DYNC2H1: variants seen among roughly 807,000 people sequenced by gnomAD.
DYNC2H1 encodes cytoplasmic dynein 2 heavy chain 1.
A neutral mutation model predicts 570.0 loss-of-function variants in DYNC2H1; 410 were observed. The observed-to-expected ratio is 0.72, with a 90% CI of 0.66 to 0.78. The LOEUF (loss-of-function observed/expected upper bound fraction) is 0.78, where lower values mean the gene tolerates loss of function less well. Among genes scored for constraint, DYNC2H1 ranks in the 30% least tolerant of loss-of-function variants. The pLI is 0.00. For synonymous variants in DYNC2H1, 1,688 were observed against 1,677.6 expected (o/e 1.01, Z -0.15); for missense variants, 4,865 against 5,046.4 (o/e 0.96, Z 1.09).
intron 70 of DYNC2H1, among the ~76,000 whole-genome samples, chr11:103,267,561 G>T (rs1050896127): frequency 7.9e-5 from 12 of 151,844 alleles, no homozygotes; most frequent in Non-Finnish European, 1.6e-4. Flanking sequence ...AGTTTCATTA[G>T]TTATAGATAT....
chr11:103,314,157 T>C (rs987809478), intron 79 of DYNC2H1, among the ~76,000 whole-genome samples: 1 of 152,158 alleles, frequency 6.6e-6, no homozygotes, highest in Non-Finnish European at 1.5e-5. Context: ...CCCTACTTAC[T>C]TCCCTGCCAC....
rs748091130 is a variant in DYNC2H1, at chr11:103,156,807, AT to A, written c.4127+45del. ...GATGTAAGACATAGACACATATGGT[AT>A]TTTTTTTAAATTAATTCATATTGTG... is the stretch of plus-strand genomic sequence containing the variant. On this transcript the variant is annotated intron_variant, in intron 26 of 88. Coordinates refer to ENST00000375735, the MANE Select transcript of DYNC2H1 (RefSeq NM_001377.3). 9.4e-5 allele frequency: 148 copies of A among 1,571,966 alleles called. No individual in the cohort carries two copies. The East Asian group carries it at 2.8e-3, about 29-fold the overall frequency.
At chr11:103,137,116 C>G (rs1222685953) in intron 17 of DYNC2H1, among the ~76,000 whole-genome samples, 4 of 146,422 alleles carry the variant, frequency 2.7e-5, no homozygotes, top group Non-Finnish European at 6.0e-5. Flanking sequence ...ATTGTAGATT[C>G]TGGATATTAG....
intron 82 of DYNC2H1, among the ~76,000 whole-genome samples, chr11:103,330,099 T>C (rs1241163365): frequency 6.6e-6 from 1 of 152,158 alleles, no homozygotes. Context: ...AATGTAAAGG[T>C]GAATAAAAAT....
Position 103,256,064 on chromosome 11 carries a change from T to G in DYNC2H1, c.10327-42T>G. 1.3e-6 allele frequency: 2 copies of G among 1,497,446 alleles called. No homozygotes were observed. Among genetic ancestry groups the G allele is most frequent in the Non-Finnish European group, 1.8e-6 (2 of 1,112,638 alleles). 92.8% of individuals were successfully genotyped at this position (1,497,446 alleles called of 1,614,324 possible). A position where few individuals can be genotyped will look rare whatever the true frequency, so the allele number is the denominator to read the frequency against. On this transcript the variant is annotated intron_variant, in intron 67 of 88. Coordinates refer to ENST00000375735, the MANE Select transcript of DYNC2H1 (RefSeq NM_001377.3). This position sits in a 1 kb window ranked among gnomAD's most constrained non-coding sequence, Gnocchi z 4.0. Reference sequence around the variant, plus strand: ...ATGGGTTTGCTTTAATTGGTTATTTTTATATGTATAATAATATTCATATTG... The same window carrying G: ...ATGGGTTTGCTTTAATTGGTTATTTGTATATGTATAATAATATTCATATTG...
intron 82 of DYNC2H1, among the ~76,000 whole-genome samples, chr11:103,329,948 T>C (rs935683995): frequency 6.6e-6 from 1 of 152,246 alleles, no homozygotes; most frequent in African/African-American, 2.4e-5. Context: ...CTTTTGCTTA[T>C]TTAAATTCTT....
In DYNC2H1 at chr11:103,455,173, TC is replaced by T. The variant is rs750717754; in HGVS notation, c.12457-6del. 11 of 1,595,310 alleles carry T rather than the reference TC, an allele frequency of 6.9e-6. No individual in the cohort carries two copies. Among genetic ancestry groups the T allele is most frequent in the African/African-American group, 2.7e-5 (2 of 74,390 alleles). On this transcript the variant is annotated splice_polypyrimidine_tract_variant and intron_variant, in intron 85 of 88. Transcript: ENST00000375735. ...GTGTGTGTATTTATATGTTCATATT[TC>T]CCCCCCTCTAGAACTGGGTAGATAA...
chr11:103,113,434 AT>A, intron 1 of DYNC2H1, 102 bp from the exon 2 acceptor site: 8 of 869,806 alleles, frequency 9.2e-6, no homozygotes, highest in Admixed American at 3.5e-5. Context: ...TAAAGTAACT[AT>A]TTTTTTCCAA....
rs554525862 is a variant in DYNC2H1 at position 103,184,038 on chromosome 11, G to A, written c.6478-858G>A. ...TAACTTCTTTTAATTCCTTAACAGTGCTAAGTTTTTCTTTGCATGTGCTCT... is the reference window on the plus strand; with the variant it reads ...TAACTTCTTTTAATTCCTTAACAGTACTAAGTTTTTCTTTGCATGTGCTCT... On this transcript the variant is annotated intron_variant, in intron 40 of 88. Transcript: ENST00000375735. Among the ~76,000 whole-genome samples, 24 of 152,052 alleles carry A rather than the reference G, an allele frequency of 1.6e-4. No homozygotes were observed. In the Middle Eastern group the frequency reaches 0.017, roughly 108 times the overall value.
intron 83 of DYNC2H1, among the ~76,000 whole-genome samples, chr11:103,375,689 A>T (rs1941364003): frequency 6.6e-6 from 1 of 152,116 alleles, no homozygotes; most frequent in Non-Finnish European, 1.5e-5. Flanking sequence ...GTTTTGGCCA[A>T]TTTCTCCCAT....
At chr11:103,302,129 T>A (rs1867073401) in intron 75 of DYNC2H1, among the ~76,000 whole-genome samples, 1 of 152,052 alleles carries the variant, frequency 6.6e-6, no homozygotes, top group South Asian at 2.1e-4. Flanking sequence ...AATAGGACTT[T>A]ATAGTTTGTG....
chr11:103,400,947 C>A (rs1391544280), intron 84 of DYNC2H1, among the ~76,000 whole-genome samples: 1 of 152,060 alleles, frequency 6.6e-6, no homozygotes, highest in Non-Finnish European at 1.5e-5. Flanking sequence ...TATCAAAATA[C>A]TATAGTTTTG....
At chr11:103,322,134 A>G (rs1003086664) in intron 81 of DYNC2H1, among the ~76,000 whole-genome samples, 3 of 152,172 alleles carry the variant, frequency 2.0e-5, no homozygotes, top group Admixed American at 6.5e-5. Context: ...ATTCAATAAT[A>G]TGCATTGAAC....
At chr11:103,213,799 GTTTCC>G (rs1418775696) in intron 54 of DYNC2H1, among the ~76,000 whole-genome samples, 4 of 152,064 alleles carry the variant, frequency 2.6e-5, no homozygotes, top group Non-Finnish European at 4.4e-5. Context: ...TCTGTTAATT[GTTTCC>G]TTTGCTGTGA....
chr11:103,423,291 A>G (rs1022019479), intron 84 of DYNC2H1, among the ~76,000 whole-genome samples: 3 of 151,766 alleles, frequency 2.0e-5, no homozygotes, highest in African/African-American at 4.8e-5. Context: ...ATCCAGATAG[A>G]CCCCGAAATA....
At position 103,280,414 on chromosome 11, in the gene DYNC2H1, G is replaced by A. The variant is rs779706754; in HGVS notation, c.10761+1G>A. On this transcript the variant is annotated splice_donor_variant, in intron 71 of 88. Transcript: ENST00000375735. LOFTEE classifies it high-confidence loss of function. This position sits in a 1 kb window ranked among gnomAD's most constrained non-coding sequence, Gnocchi z 4.7. ...GCATCCTGAACTTTTTCAAGAAAAT[G>A]TAAGTCAAATTAAAGGAGAGAAATT... is the stretch of plus-strand genomic sequence containing the variant. The A allele has an allele frequency of 3.2e-6, 5 of 1,552,602 alleles. No homozygotes were observed. The highest frequency in any genetic ancestry group is 2.4e-5 in the South Asian group (2 of 84,148).
At chr11:103,158,219 G>A (rs751605035) in intron 26 of DYNC2H1, among the ~76,000 whole-genome samples, 9 of 152,260 alleles carry the variant, frequency 5.9e-5, no homozygotes, top group East Asian at 3.9e-4. Context: ...AGGCCGAGGC[G>A]GGCGGATCAC....
At position 103,176,246 on chromosome 11, in the gene DYNC2H1, C is replaced by T. The variant is rs762029236; in HGVS notation, c.5686C>T (p.His1896Tyr). The change falls in exon 37 of 89, where the codon CAT (histidine) becomes TAT (tyrosine). Residue 1896 changes from histidine to tyrosine, a missense_variant. His to Tyr is a moderately conservative substitution (Grantham distance 83). Transcript: ENST00000375735. ...AAACTTTTTTCTAGCTAATGAAAGT[C>T]ATATTGTGGTACAAGCACTGAGGCT... ...SGTTQNANES[H>Y]IVVQALRLNT... 4.7e-6 allele frequency: 7 copies of T among 1,492,692 alleles called. 1 individual carries two copies. The South Asian group carries it at 1.0e-4, about 21-fold the overall frequency. 92.5% of individuals were successfully genotyped at this position (1,492,692 alleles called of 1,614,324 possible).
intron 88 of DYNC2H1, among the ~76,000 whole-genome samples, chr11:103,469,928 A>C (rs1945319096): frequency 6.6e-6 from 1 of 152,192 alleles, no homozygotes; most frequent in South Asian, 2.1e-4. Flanking sequence ...ATTGTTTAGG[A>C]TGGCAGAGAT....
Sources: allele counts gnomAD v4.1 joint callset (sites outside exome capture counted in the v4.1 genomes callset), GRCh38; gene constraint gnomAD v4.1.1; non-coding constraint Gnocchi (gnomAD v3.1); transcripts MANE v1.5; gene names NCBI Gene and HGNC (gene_info 2026-07-23, HGNC 2026-07-21).